The following ROR1 variants were observed in gnomAD, a reference collection of about 807,000 sequenced individuals.
ROR1 encodes the protein ROR family WNT receptor 1.
Under a neutral mutation model 78.8 loss-of-function variants are expected in ROR1, and 19 were observed. The observed-to-expected ratio is 0.24, with a 90% CI of 0.17 to 0.35. The LOEUF is 0.35. ROR1 is among the 10% of genes least tolerant of loss of function. The probability of loss-of-function intolerance (pLI) is 1.00; values close to 1 mark genes in which losing one functional copy is unlikely to be tolerated. For synonymous variants in ROR1, 386 were observed against 433.6 expected (o/e 0.89, Z 1.36); for missense variants, 917 against 1,177.8 (o/e 0.78, Z 3.24).
intron 4 of ROR1, among the ~76,000 whole-genome samples, chr1:64,124,567 T>A (rs1027148988): frequency 2.0e-5 from 3 of 152,168 alleles, no homozygotes; most frequent in Admixed American, 2.0e-4. Flanking sequence ...TTGACCAAAC[T>A]GAGCAAGAAG....
chr1:64,137,900 A>G (rs1288473617), intron 5 of ROR1, among the ~76,000 whole-genome samples: 2 of 152,150 alleles, frequency 1.3e-5, no homozygotes, highest in Non-Finnish European at 2.9e-5. Context: ...AGTTCTGGAC[A>G]CTCATCCCAG....
At chr1:63,780,954 G>A (rs373329057) in intron 1 of ROR1, among the ~76,000 whole-genome samples, 5 of 152,234 alleles carry the variant, frequency 3.3e-5, no homozygotes, top group Admixed American at 6.5e-5. Flanking sequence ...GATAATGGCC[G>A]GAGGAAAGGA....
intron 4 of ROR1, among the ~76,000 whole-genome samples, chr1:64,063,804 A>G (rs1172452722): frequency 6.6e-6 from 1 of 152,168 alleles, no homozygotes; most frequent in African/African-American, 2.4e-5. Context: ...TACACCCTAG[A>G]TAAGTTAAAT....
chr1:63,868,182 A>G (rs1315455467), intron 1 of ROR1, among the ~76,000 whole-genome samples: 1 of 152,120 alleles, frequency 6.6e-6, no homozygotes, highest in African/African-American at 2.4e-5. Context: ...CGCTATGACA[A>G]TTGCTCTTTC....
At chr1:63,968,977 A>G (rs1431618276) in intron 1 of ROR1, among the ~76,000 whole-genome samples, 2 of 152,206 alleles carry the variant, frequency 1.3e-5, no homozygotes, top group African/African-American at 2.4e-5. Context: ...CTTCCTTGGA[A>G]TGCTATTAAT....
intron 4 of ROR1, among the ~76,000 whole-genome samples, chr1:64,051,041 A>T (rs1340786031): frequency 6.6e-6 from 1 of 152,160 alleles, no homozygotes; most frequent in Non-Finnish European, 1.5e-5. Flanking sequence ...TAGTGCTGGC[A>T]TAGGAACCTT....
At chr1:63,824,617 A>G (rs1291234653) in intron 1 of ROR1, among the ~76,000 whole-genome samples, 1 of 152,192 alleles carries the variant, frequency 6.6e-6, no homozygotes, top group Non-Finnish European at 1.5e-5. Context: ...CCCACAATGG[A>G]TGATTCATAA....
Position 64,177,591 on chromosome 1 carries a change from G to A in ROR1, c.1550G>A (p.Trp517Ter). The A allele has an allele frequency of 6.2e-7, 1 of 1,614,170 alleles. No individual in the cohort carries two copies. Among genetic ancestry groups the A allele is most frequent in the Non-Finnish European group, 8.5e-7 (1 of 1,180,040 alleles). The change falls in exon 9 of 9, where the codon TGG (tryptophan) becomes TAG (stop). Residue 517 changes from tryptophan to a stop codon, truncating the protein, a stop_gained. Coordinates refer to ENST00000371079, the MANE Select transcript of ROR1 (RefSeq NM_005012.4). LOFTEE classifies it high-confidence loss of function. Reference sequence around the variant, plus strand: ...AAAGACTATAACAACCCCCAGCAATGGACGGAATTTCAACAAGAAGCCTCC... The same window carrying A: ...AAAGACTATAACAACCCCCAGCAATAGACGGAATTTCAACAAGAAGCCTCC... ...TLKDYNNPQQ[W>*]TEFQQEASLM...
At position 64,115,220 on chromosome 1, in the gene ROR1, A is replaced by G. The variant is rs182352858; in HGVS notation, c.483-22149A>G. 2.0e-5 allele frequency among the ~76,000 whole-genome samples: 3 copies of G among 151,240 alleles called. No individual in the cohort carries two copies. The East Asian group carries it at 5.9e-4, about 30-fold the overall frequency. ...TTACTAACTAGGTGACCCTGGACAC[A>G]TTTCTTTATTTTTATTTTTATAACT... On this transcript the variant is annotated intron_variant, in intron 4 of 8. Coordinates refer to ENST00000371079, the MANE Select transcript of ROR1 (RefSeq NM_005012.4).
chr1:63,967,390 TCTTACTTTTTTAAATTTGGA>T (rs1557587362), intron 1 of ROR1, among the ~76,000 whole-genome samples: 2 of 152,148 alleles, frequency 1.3e-5, no homozygotes, highest in African/African-American at 4.8e-5. Context: ...TACTGGCTCC[TCTTACTTTTTTAAATTTGGA>T]AATGGATTCT....
intron 1 of ROR1, among the ~76,000 whole-genome samples, chr1:63,808,484 A>T (rs949497156): frequency 1.3e-5 from 2 of 152,250 alleles, no homozygotes; most frequent in African/African-American, 4.8e-5. Context: ...TGGGTACAAA[A>T]GGCACTTATT....
chr1:64,178,851 T>A lies in ROR1; in HGVS notation c.2810T>A (p.Leu937Gln). The A allele has an allele frequency of 6.2e-7, 1 of 1,608,682 alleles. No homozygotes were observed. Among genetic ancestry groups the A allele is most frequent in the Non-Finnish European group, 8.5e-7 (1 of 1,176,748 alleles). Residue 937 changes from leucine to glutamine, a missense_variant, in exon 9 of 9, where the codon CTG (leucine) becomes CAG (glutamine). Leu to Gln is a moderately radical substitution (Grantham distance 113). Coordinates refer to ENST00000371079, the MANE Select transcript of ROR1 (RefSeq NM_005012.4). The surrounding 1 kb of genome is among the most constrained non-coding windows in gnomAD (Gnocchi z 4.3). ...ACCGAATCTATGATTTCTGCAGAAC[T>A]GTAAAATGCACAACTTTTGTAAATG... ...GHTESMISAE[L>Q]
At chr1:63,789,357 C>G (rs1644711646) in intron 1 of ROR1, 1 of 393,574 alleles carries the variant, frequency 2.5e-6, no homozygotes, top group Admixed American at 3.4e-5. Flanking sequence ...CTTGATTCCT[C>G]CCATTAAGTG....
At chr1:64,099,131 T>G (rs1026548350) in intron 4 of ROR1, among the ~76,000 whole-genome samples, 3 of 152,098 alleles carry the variant, frequency 2.0e-5, no homozygotes, top group Admixed American at 6.6e-5. Flanking sequence ...ATCTTACACA[T>G]TAGCGTATAC....
intron 3 of ROR1, among the ~76,000 whole-genome samples, chr1:64,050,402 C>G (rs200472292): frequency 6.6e-6 from 1 of 152,178 alleles, no homozygotes; most frequent in East Asian, 1.9e-4. Context: ...CCATTGGAAA[C>G]TCCCTGCATA....
Position 63,798,014 on chromosome 1 carries a change from T to C in ROR1, c.91+23506T>C, listed in dbSNP as rs192832162. Among the ~76,000 whole-genome samples, 461 of 152,334 alleles carry C rather than the reference T, an allele frequency of 3.0e-3. 1 individual carries two copies. Among genetic ancestry groups the C allele is most frequent in the African/African-American group, 0.011 (441 of 41,578 alleles). On this transcript the variant is annotated intron_variant, in intron 1 of 8. Transcript: ENST00000371079. Reference sequence around the variant, plus strand: ...CTTTTGAGAGGCTGCATTCTTCATCTTATGAGCCCATGCCATGCCAGCCAG... The same window carrying C: ...CTTTTGAGAGGCTGCATTCTTCATCCTATGAGCCCATGCCATGCCAGCCAG...
chr1:63,816,834 C>G (rs944487459), intron 1 of ROR1, among the ~76,000 whole-genome samples: 20 of 152,090 alleles, frequency 1.3e-4, no homozygotes, highest in African/African-American at 4.8e-4. Context: ...ATTGCGTGTG[C>G]TCATGTAAGA....
intron 1 of ROR1, among the ~76,000 whole-genome samples, chr1:63,973,968 G>A (rs1646138415): frequency 6.6e-6 from 1 of 152,018 alleles, no homozygotes; most frequent in Admixed American, 6.6e-5. Context: ...TCAAAGTTAT[G>A]TGTTTAACTT....
intron 1 of ROR1, among the ~76,000 whole-genome samples, chr1:63,847,857 G>C (rs72683051): frequency 0.034 from 5,229 of 152,240 alleles, 108 homozygotes; most frequent in Non-Finnish European, 0.052. Flanking sequence ...CTACTCATCG[G>C]TTAGATGGTG....
Sources: allele counts gnomAD v4.1 joint callset (sites outside exome capture counted in the v4.1 genomes callset), GRCh38; gene constraint gnomAD v4.1.1; non-coding constraint Gnocchi (gnomAD v3.1); transcripts MANE v1.5; gene names NCBI Gene and HGNC (gene_info 2026-07-23, HGNC 2026-07-21).